CSMD1: variants seen among roughly 807,000 people sequenced by gnomAD.
CSMD1 encodes the protein CUB and sushi domain-containing protein 1.
In CSMD1, 213 loss-of-function variants were observed where a neutral mutation model predicts 417.5. The observed-to-expected ratio is 0.51, with a 90% CI of 0.46 to 0.57. The LOEUF is 0.57. CSMD1 is among the 20% of genes least tolerant of loss of function. CSMD1 has a pLI of 0.00. For synonymous variants in CSMD1, 2,862 were observed against 1,736.8 expected (o/e 1.65, Z -16.11); for missense variants, 6,923 against 4,529.7 (o/e 1.53, Z -15.17).
At chr8:4,049,031 C>G (rs1207015384) in intron 3 of CSMD1, among the ~76,000 whole-genome samples, 1 of 152,178 alleles carries the variant, frequency 6.6e-6, no homozygotes, top group East Asian at 1.9e-4. Context: ...TCAAGACTCA[C>G]CACCCATCTC....
chr8:4,020,097 TAG>T (rs1485905778), intron 4 of CSMD1, among the ~76,000 whole-genome samples: 1 of 152,178 alleles, frequency 6.6e-6, no homozygotes, highest in African/African-American at 2.4e-5. Context: ...CTGATATTTT[TAG>T]AGTTTCTCTA....
At chr8:4,039,704 A>C (rs1479572803) in intron 3 of CSMD1, among the ~76,000 whole-genome samples, 2 of 152,196 alleles carry the variant, frequency 1.3e-5, no homozygotes, top group Admixed American at 6.5e-5. Context: ...AATATACTTG[A>C]AGGTGGAAAA....
At chr8:4,285,637 C>T (rs1008571619) in intron 3 of CSMD1, among the ~76,000 whole-genome samples, 4 of 152,180 alleles carry the variant, frequency 2.6e-5, no homozygotes, top group African/African-American at 9.7e-5. Context: ...TGGAATAGCA[C>T]AGATGGTTGG....
At chr8:4,215,526 G>T (rs571881571) in intron 3 of CSMD1, among the ~76,000 whole-genome samples, 6 of 151,960 alleles carry the variant, frequency 3.9e-5, no homozygotes, top group Admixed American at 6.6e-5. Flanking sequence ...TTTTCTTCCA[G>T]AGACCAGGAT....
At chr8:4,417,413 G>C (rs1005681779) in intron 3 of CSMD1, among the ~76,000 whole-genome samples, 1 of 151,954 alleles carries the variant, frequency 6.6e-6, no homozygotes, top group Non-Finnish European at 1.5e-5. Flanking sequence ...TGTTTACATA[G>C]ATCTTAGAAC....
At chr8:4,707,758 G>T (rs899925895) in intron 1 of CSMD1, among the ~76,000 whole-genome samples, 10 of 151,746 alleles carry the variant, frequency 6.6e-5, no homozygotes, top group African/African-American at 1.9e-4. Flanking sequence ...GTCGTGGCAG[G>T]CGCCTGTAAT....
chr8:3,127,877 T>A, intron 41 of CSMD1: 7 of 107,066 alleles, frequency 6.5e-5, no homozygotes, highest in Admixed American at 2.3e-4. Flanking sequence ...AGGGAAGGAA[T>A]GAGAGGGAGG....
At position 4,641,801 on chromosome 8, in the gene CSMD1, A is replaced by G. The variant is rs370849965; in HGVS notation, c.86-4243T>C. On this transcript the variant is annotated intron_variant, in intron 1 of 69. Transcript: ENST00000635120. ...AGACATTCGGAAAATCTAGATATGT[A>G]GGGACTCTAAATTCTGTCGTTCTTT... Among the ~76,000 whole-genome samples the G allele has an allele frequency of 4.6e-5, 7 of 152,342 alleles. No individual in the cohort carries two copies. The East Asian group carries it at 9.6e-4, about 21-fold the overall frequency.
At chr8:3,730,257 T>C (rs560721986) in intron 6 of CSMD1, among the ~76,000 whole-genome samples, 51 of 152,124 alleles carry the variant, frequency 3.4e-4, no homozygotes, top group Non-Finnish European at 1.8e-4. Flanking sequence ...AGAAAATACC[T>C]TGAGCACATG....
chr8:4,170,870 T>G (rs1317631420), intron 3 of CSMD1, among the ~76,000 whole-genome samples: 3 of 151,888 alleles, frequency 2.0e-5, no homozygotes, highest in African/African-American at 7.3e-5. Flanking sequence ...TTTTTACTCC[T>G]TTCCACCCTG....
intron 5 of CSMD1, among the ~76,000 whole-genome samples, chr8:3,879,078 C>T (rs1172024152): frequency 2.0e-5 from 3 of 152,110 alleles, no homozygotes; most frequent in Non-Finnish European, 2.9e-5. Context: ...CTGAGTTATT[C>T]TGGGGTACCC....
At chr8:3,494,675 C>T (rs886192535) in intron 10 of CSMD1, among the ~76,000 whole-genome samples, 1 of 128,116 alleles carries the variant, frequency 7.8e-6, no homozygotes, top group Non-Finnish European at 1.7e-5. Flanking sequence ...ACAGACGATA[C>T]ACAGATACAT....
At chr8:3,113,960 G>C (rs1002667314) in intron 42 of CSMD1, among the ~76,000 whole-genome samples, 11 of 152,278 alleles carry the variant, frequency 7.2e-5, no homozygotes, top group African/African-American at 2.4e-4. Flanking sequence ...GCTCATAGCT[G>C]TAATTCCAGC....
chr8:3,715,133 G>A (rs534791096), intron 6 of CSMD1, among the ~76,000 whole-genome samples: 2 of 152,106 alleles, frequency 1.3e-5, no homozygotes, highest in Non-Finnish European at 2.9e-5. Context: ...TCGAAATTCA[G>A]ATCACCTTAT....
chr8:4,932,076 T>C (rs1563799685), intron 1 of CSMD1, among the ~76,000 whole-genome samples: 1 of 151,734 alleles, frequency 6.6e-6, no homozygotes, highest in African/African-American at 2.4e-5. Context: ...AACAATAGCA[T>C]GAATGCATTT....
At chr8:4,041,615 A>G (rs1204785978) in intron 3 of CSMD1, among the ~76,000 whole-genome samples, 1 of 152,164 alleles carries the variant, frequency 6.6e-6, no homozygotes, top group African/African-American at 2.4e-5. Flanking sequence ...TAAGCACGCA[A>G]AAAAGTAAGA....
At chr8:4,528,436 T>C (rs942513283) in intron 2 of CSMD1, among the ~76,000 whole-genome samples, 1 of 152,182 alleles carries the variant, frequency 6.6e-6, no homozygotes, top group African/African-American at 2.4e-5. Flanking sequence ...TTACCATATC[T>C]ACCACAGATA....
At chr8:4,921,315 T>G (rs1585332434) in intron 1 of CSMD1, among the ~76,000 whole-genome samples, 1 of 152,182 alleles carries the variant, frequency 6.6e-6, no homozygotes, top group East Asian at 1.9e-4. Context: ...TAGGATATAC[T>G]CAGGAAAATT....
At chr8:4,747,268 G>A (rs1226636091) in intron 1 of CSMD1, among the ~76,000 whole-genome samples, 1 of 152,064 alleles carries the variant, frequency 6.6e-6, no homozygotes, top group Non-Finnish European at 1.5e-5. Context: ...AAGTAGTATT[G>A]AAAACAAGCC....
Sources: allele counts gnomAD v4.1 joint callset (sites outside exome capture counted in the v4.1 genomes callset), GRCh38; gene constraint gnomAD v4.1.1; transcripts MANE v1.5; gene names NCBI Gene and HGNC (gene_info 2026-07-23, HGNC 2026-07-21).